Variants in SNF8 observed in about 807,000 individuals in gnomAD.
SNF8 encodes SNF8 subunit of ESCRT-II, also known as vacuolar-sorting protein SNF8.
Under a neutral mutation model 36.8 loss-of-function variants are expected in SNF8, and 19 were observed. That is an observed-to-expected ratio of 0.52 (90% CI 0.36 to 0.76). The LOEUF (loss-of-function observed/expected upper bound fraction) is 0.76, where lower values mean the gene tolerates loss of function less well. SNF8 is among the 30% of genes least tolerant of loss of function. The pLI, the probability that SNF8 is intolerant of heterozygous loss-of-function variation, is 0.00. For missense variants in SNF8, 268 were observed against 322.9 expected (o/e 0.83, Z 1.30); for synonymous variants, 127 against 127.4 (o/e 1.00, Z 0.02).
intron 7 of SNF8, among the ~76,000 whole-genome samples, 164 bp from the exon 8 acceptor site, chr17:48,930,776 C>T (rs1194906576): frequency 6.6e-6 from 1 of 152,242 alleles, no homozygotes; most frequent in Non-Finnish European, 1.5e-5. Flanking sequence ...GCTGTTTGGC[C>T]TTGGCCTTTG....
intron 7 of SNF8, 74 bp downstream of exon 7, chr17:48,931,569 C>T: frequency 8.2e-7 from 1 of 1,222,174 alleles, no homozygotes; most frequent in South Asian, 1.4e-5. Flanking sequence ...TGCTGAAGTT[C>T]CTGCATTTGT....
intron 6 of SNF8, 97 bp from the exon 7 acceptor site, chr17:48,931,814 G>A (rs1248046847): frequency 1.2e-6 from 1 of 866,780 alleles, no homozygotes; most frequent in Non-Finnish European, 1.8e-6. Flanking sequence ...CCAGACAGGA[G>A]GAAAAGCTGT....
At chr17:48,937,627 TC>T (rs2040955079) in intron 3 of SNF8, among the ~76,000 whole-genome samples, 2 of 93,336 alleles carry the variant, frequency 2.1e-5, no homozygotes, top group Non-Finnish European at 5.4e-5. Context: ...CACAACTCTC[TC>T]TCAAAAAAAA....
chr17:48,934,749 C>T (rs1252628829), intron 5 of SNF8, among the ~76,000 whole-genome samples: 1 of 152,060 alleles, frequency 6.6e-6, no homozygotes, highest in Non-Finnish European at 1.5e-5. Context: ...GAGACAAGGT[C>T]TCACTACACT....
At chr17:48,930,829 C>T (rs1283909520) in intron 7 of SNF8, among the ~76,000 whole-genome samples, 1 of 152,232 alleles carries the variant, frequency 6.6e-6, no homozygotes, top group Non-Finnish European at 1.5e-5. Flanking sequence ...ACTTGTGCTG[C>T]TGGGGAAGAG....
chr17:48,930,731 A>G, intron 7 of SNF8, 119 bp from the exon 8 acceptor site: 1 of 1,065,382 alleles, frequency 9.4e-7, no homozygotes, highest in South Asian at 1.6e-5. Context: ...AAATCTACTA[A>G]GTGCCTTCAA....
At chr17:48,936,321 G>T in intron 4 of SNF8, 79 bp from the exon 5 acceptor site, 3 of 1,108,976 alleles carry the variant, frequency 2.7e-6, no homozygotes, top group Non-Finnish European at 4.1e-6. Context: ...CAATTCCAGT[G>T]GCCTACAAGT....
At chr17:48,936,505 C>T (rs60686465) in intron 4 of SNF8, among the ~76,000 whole-genome samples, 150 of 152,298 alleles carry the variant, frequency 9.8e-4, no homozygotes, top group African/African-American at 3.5e-3. Context: ...CTCTTGACAT[C>T]AAGGCCGTGT....
In SNF8 at chr17:48,933,229, G is replaced by A. The variant is rs772946302; in HGVS notation, c.540C>T (p.His180=). Residue 180 remains histidine (H), a synonymous_variant, in exon 6 of 8, where the codon CAC becomes CAT. Transcript: ENST00000502492. ...CCTCTGCCAGCTGCAGCACCACGGT[G>A]TGATCCATATTGAGCTCAGCTGGAA... ...QSVPAELNMD[H]TVVLQLAEKN... 1.2e-6 allele frequency: 2 copies of A among 1,613,876 alleles called. No individual in the cohort carries two copies. Among genetic ancestry groups the A allele is most frequent in the Non-Finnish European group, 1.7e-6 (2 of 1,180,020 alleles).
chr17:48,943,990 G>A lies in SNF8; in HGVS notation c.55-15C>T. On this transcript the variant is annotated splice_polypyrimidine_tract_variant and intron_variant, in intron 1 of 7. Transcript: ENST00000502492. ...TTATACTTGGCCTGTCAGACAAAGA[G>A]ACCAGCATAAGTTAAGAGAGTGGGC... 6.2e-7 allele frequency: 1 copy of A among 1,613,462 alleles called. No individual in the cohort carries two copies. The highest frequency in any genetic ancestry group is 1.7e-5 in the Admixed American group (1 of 60,008).
chr17:48,940,797 C>T, intron 3 of SNF8, 127 bp downstream of exon 3: 2 of 1,114,678 alleles, frequency 1.8e-6, no homozygotes, highest in Non-Finnish European at 2.6e-6. Flanking sequence ...CTCAAAAAGA[C>T]AGCATCCTCT....
Position 48,943,956 on chromosome 17 carries a change from C to G in SNF8, c.74G>C (p.Gly25Ala). 1 of 1,613,990 alleles carries G rather than the reference C, an allele frequency of 6.2e-7. No homozygotes were observed. Among genetic ancestry groups the G allele is most frequent in the Non-Finnish European group, 8.5e-7 (1 of 1,179,944 alleles). ...KLAEAKYKERGTVLAEDQLAQ... is the reference protein window; with the variant it reads ...KLAEAKYKERATVLAEDQLAQ... ...TAGCTGGTCCTCAGCCAAGACCGTC[C>G]CTCGCTCCTTATACTTGGCCTGTCA... The change falls in exon 2 of 8, where the codon GGG becomes GCG. Residue 25 changes from glycine to alanine, a missense_variant. Transcript: ENST00000502492.
At chr17:48,935,690 A>G (rs966751903) in intron 5 of SNF8, 1 of 152,790 alleles carries the variant, frequency 6.5e-6, no homozygotes, top group Non-Finnish European at 1.5e-5. Flanking sequence ...AAGAAAAAAA[A>G]GACTATATAT....
At chr17:48,933,144 C>T (rs2040883649) in intron 6 of SNF8, 61 bp downstream of exon 6, 1 of 1,593,150 alleles carries the variant, frequency 6.3e-7, no homozygotes, top group South Asian at 1.1e-5. Flanking sequence ...CTGAGAACTG[C>T]TCCAGACTTG....
intron 6 of SNF8, 156 bp downstream of exon 6, chr17:48,933,049 T>C: frequency 1.4e-6 from 1 of 720,098 alleles, no homozygotes; most frequent in Admixed American, 2.8e-5. Context: ...AGCTGCTCAA[T>C]AAATGTCTGC....
chr17:48,933,438 AAT>A, intron 5 of SNF8, 92 bp from the exon 6 acceptor site: 1 of 1,213,252 alleles, frequency 8.2e-7, no homozygotes, highest in Non-Finnish European at 1.2e-6. Context: ...ACTGACAGAA[AAT>A]TTAGAAGACT....
chr17:48,933,271 A>C lies in SNF8; in HGVS notation c.498T>G (p.Thr166=). ...TGFGIIPVGG[T]YLIQSVPAEL... ...CAGCTGGAACAGACTGAATGAGGTA[A>C]GTGCCGCCCACAGGGATGATGCCGA... The change falls in exon 6 of 8, where the codon ACT becomes ACG. Residue 166 remains threonine, a synonymous_variant. Coordinates refer to ENST00000502492, the MANE Select transcript of SNF8 (RefSeq NM_007241.4). 1 of 1,614,172 alleles carries C rather than the reference A, an allele frequency of 6.2e-7. No homozygotes were observed. Among genetic ancestry groups the C allele is most frequent in the Non-Finnish European group, 8.5e-7 (1 of 1,180,038 alleles).
chr17:48,942,561 G>C (rs16944911), intron 2 of SNF8, among the ~76,000 whole-genome samples: 4,702 of 152,078 alleles, frequency 0.031, 126 homozygotes, highest in East Asian at 0.12. Context: ...GGAAGGGCTG[G>C]AAAAGAAAAC....
Position 48,931,675 on chromosome 17 carries a change from T to G in SNF8, c.607A>C (p.Lys203Gln), listed in dbSNP as rs1217905194. 6.2e-7 allele frequency: 1 copy of G among 1,613,438 alleles called. No individual in the cohort carries two copies. The highest frequency in any genetic ancestry group is 8.5e-7 in the Non-Finnish European group (1 of 1,179,754). Reference sequence around the variant, plus strand: ...TGCCGCGCTCGCTCGGTCTCCCATTTAAGACTGGCTTTGATCTCACTGACA... The same window carrying G: ...TGCCGCGCTCGCTCGGTCTCCCATTGAAGACTGGCTTTGATCTCACTGACA... ...VTVSEIKASL[K>Q]WETERARQVL... The change falls in exon 7 of 8, where the codon AAA (lysine) becomes CAA (glutamine). Residue 203 changes from lysine to glutamine, a missense_variant. Lys to Gln is a moderately conservative substitution (Grantham distance 53). Coordinates refer to ENST00000502492, the MANE Select transcript of SNF8 (RefSeq NM_007241.4).
Sources: allele counts gnomAD v4.1 joint callset (sites outside exome capture counted in the v4.1 genomes callset), GRCh38; gene constraint gnomAD v4.1.1; transcripts MANE v1.5; gene names NCBI Gene and HGNC (gene_info 2026-07-23, HGNC 2026-07-21).